Variants in MARCHF1 observed in about 807,000 individuals in gnomAD.
MARCHF1 encodes the protein membrane associated ring-CH-type finger 1.
A neutral mutation model predicts 54.2 loss-of-function variants in MARCHF1; 40 were observed. That is an observed-to-expected ratio of 0.74 (90% CI 0.57 to 0.96). MARCHF1 has a LOEUF of 0.96. Ranked by LOEUF, MARCHF1 falls within the 40% of genes least tolerant of loss-of-function variation. The pLI is 0.00. For synonymous variants in MARCHF1, 236 were observed against 236.3 expected (o/e 1.00, Z 0.01); for missense variants, 586 against 656.5 (o/e 0.89, Z 1.17).
At chr4:163,996,124 T>A (rs1753071225) in intron 2 of MARCHF1, among the ~76,000 whole-genome samples, 1 of 151,994 alleles carries the variant, frequency 6.6e-6, no homozygotes, top group South Asian at 2.1e-4. Flanking sequence ...GGATGGCTGT[T>A]TTTTCTCATC....
At chr4:163,887,476 C>G (rs1750564644) in intron 3 of MARCHF1, among the ~76,000 whole-genome samples, 1 of 152,088 alleles carries the variant, frequency 6.6e-6, no homozygotes, top group East Asian at 1.9e-4. Context: ...ACCAGCAGCA[C>G]CAGCATAATT....
At chr4:164,153,516 T>A (rs1729998855) in intron 1 of MARCHF1, among the ~76,000 whole-genome samples, 1 of 151,910 alleles carries the variant, frequency 6.6e-6, no homozygotes, top group Non-Finnish European at 1.5e-5. Context: ...ATAATAATAA[T>A]TTAATAATTT....
intron 1 of MARCHF1, among the ~76,000 whole-genome samples, chr4:164,326,129 A>G (rs910576085): frequency 3.9e-5 from 6 of 152,160 alleles, no homozygotes; most frequent in Non-Finnish European, 8.8e-5. Context: ...CCTTGTTATT[A>G]TTTCAATTTT....
intron 4 of MARCHF1, among the ~76,000 whole-genome samples, chr4:163,826,835 T>C (rs1490851890): frequency 5.3e-5 from 8 of 152,012 alleles, no homozygotes; most frequent in Non-Finnish European, 1.5e-5. Context: ...CTAGAAAGTA[T>C]ATAGGGTTAT....
chr4:164,307,448 A>G (rs1734725521), intron 1 of MARCHF1, among the ~76,000 whole-genome samples: 3 of 152,196 alleles, frequency 2.0e-5, no homozygotes, highest in Admixed American at 2.0e-4. Flanking sequence ...TCAATAGCTG[A>G]TAGGTGGAGA....
chr4:163,618,236 T>C lies in MARCHF1; in HGVS notation c.163-4843A>G, dbSNP rs146397830. 5.5e-3 allele frequency among the ~76,000 whole-genome samples: 843 copies of C among 152,324 alleles called. 29 individuals are homozygous for C. Among genetic ancestry groups the C allele is most frequent in the Admixed American group, 0.046 (710 of 15,300 alleles). On this transcript the variant is annotated intron_variant, in intron 5 of 9. Coordinates refer to ENST00000514618, the MANE Select transcript of MARCHF1 (RefSeq NM_001394959.1). Reference sequence around the variant, plus strand: ...CCCTCTTCTGAGTTCACCTGAATGCTGACTGCTTCCCATGTCAGTGCCTGT... The same window carrying C: ...CCCTCTTCTGAGTTCACCTGAATGCCGACTGCTTCCCATGTCAGTGCCTGT...
At chr4:163,881,461 G>T (rs544505153) in intron 3 of MARCHF1, among the ~76,000 whole-genome samples, 1 of 150,508 alleles carries the variant, frequency 6.6e-6, no homozygotes, top group East Asian at 1.9e-4. Context: ...ACAAGAGCGA[G>T]ACTCCATCTC....
intron 3 of MARCHF1, among the ~76,000 whole-genome samples, chr4:163,969,388 A>G (rs1752504669): frequency 6.6e-6 from 1 of 152,220 alleles, no homozygotes; most frequent in Non-Finnish European, 1.5e-5. Context: ...ATGTGTTCAA[A>G]GAGATCCTTG....
chr4:163,529,103 A>AT (rs3839198), intron 9 of MARCHF1, 57 bp from the exon 10 acceptor site: 452,979 of 1,205,196 alleles, frequency 0.38, 54,236 homozygotes, highest in Admixed American at 0.49. Flanking sequence ...GGATTTGGTC[A>AT]TTTTTTTTTT....
At chr4:163,604,366 G>C (rs1741075708) in intron 7 of MARCHF1, among the ~76,000 whole-genome samples, 1 of 152,126 alleles carries the variant, frequency 6.6e-6, no homozygotes, top group South Asian at 2.1e-4. Context: ...TACCTACCCA[G>C]TGTTCTAAAT....
rs1560924061 is a variant in MARCHF1 at position 163,528,832 on chromosome 4, A to ATCTTTGATG, written c.1545_1553dup (p.Ile516_Asp518dup). The ATCTTTGATG allele has an allele frequency of 1.2e-6, 2 of 1,613,124 alleles. No individual in the cohort carries two copies. The highest frequency in any genetic ancestry group is 4.5e-5 in the East Asian group (2 of 44,880). ...TTTGTGGTACAGGCACTACCACAGC[A>ATCTTTGATG]TCTTTGATGTCTGTGTTTACATTAC... On this transcript the variant is annotated inframe_insertion, in exon 10 of 10. Transcript: ENST00000514618.
intron 2 of MARCHF1, among the ~76,000 whole-genome samples, chr4:164,070,401 G>T (rs375703145): frequency 6.6e-6 from 1 of 152,146 alleles, no homozygotes; most frequent in Admixed American, 6.6e-5. Flanking sequence ...AATTTAAAAG[G>T]ATCCTTACCT....
intron 8 of MARCHF1, among the ~76,000 whole-genome samples, chr4:163,548,583 A>C (rs976855334): frequency 6.6e-6 from 1 of 152,232 alleles, no homozygotes; most frequent in South Asian, 2.1e-4. Flanking sequence ...GTGAAGCATA[A>C]GGGAACCATC....
rs1366369324 is a variant in MARCHF1, at chr4:163,823,034, T to A, written c.111+30987A>T. ...TAATAACACAAACAGGCTTACTTCA[T>A]TTTGTTTTGTCTCATACCACCCATA... On this transcript the variant is annotated intron_variant, in intron 4 of 9. Transcript: ENST00000514618. Among the ~76,000 whole-genome samples, 162 of 151,862 alleles carry A rather than the reference T, an allele frequency of 1.1e-3. 2 individuals are homozygous for A. The highest frequency in any genetic ancestry group is 0.011 in the Admixed American group (161 of 15,200).
At chr4:164,051,994 AATTT>A (rs558475134) in intron 2 of MARCHF1, among the ~76,000 whole-genome samples, 277 of 152,274 alleles carry the variant, frequency 1.8e-3, no homozygotes, top group Middle Eastern at 0.01. Context: ...TCAGACACTG[AATTT>A]ATTTATCTAT....
intron 3 of MARCHF1, among the ~76,000 whole-genome samples, chr4:163,904,763 A>ACAGAGAC (rs374872263): frequency 6.6e-6 from 1 of 151,582 alleles, no homozygotes; most frequent in Non-Finnish European, 1.5e-5. Flanking sequence ...AGGAGAGAGA[A>ACAGAGAC]AGAGACAGAG....
At chr4:163,767,070 C>CT (rs952581445) in intron 4 of MARCHF1, among the ~76,000 whole-genome samples, 2 of 120,160 alleles carry the variant, frequency 1.7e-5, no homozygotes, top group Admixed American at 1.0e-4. Flanking sequence ...ATGCTGCTGT[C>CT]TTTTTTTCAG....
chr4:164,120,323 C>T (rs1756039935), intron 1 of MARCHF1, among the ~76,000 whole-genome samples: 1 of 152,008 alleles, frequency 6.6e-6, no homozygotes, highest in African/African-American at 2.4e-5. Context: ...CCGGAGCACC[C>T]AGATACATAA....
chr4:163,820,131 C>T (rs1748650658), intron 4 of MARCHF1, among the ~76,000 whole-genome samples: 1 of 151,962 alleles, frequency 6.6e-6, no homozygotes, highest in South Asian at 2.1e-4. Flanking sequence ...TAGAGTATGC[C>T]AATCTGGCTT....
Sources: gnomAD v4.1 joint callset for allele counts (sites outside exome capture counted in the v4.1 genomes callset) on GRCh38, gnomAD v4.1.1 for gene constraint, MANE v1.5 for transcripts, NCBI Gene and HGNC (gene_info 2026-07-23, HGNC 2026-07-21) for gene names.